The following ADAMTS13 variants were observed in gnomAD, a reference collection of about 807,000 sequenced individuals.
The protein encoded by ADAMTS13 is A disintegrin and metalloproteinase with thrombospondin motifs 13.
ADAMTS13 carries 110 observed loss-of-function variants against 155.1 expected under a neutral mutation model. The observed-to-expected ratio is 0.71, with a 90% CI of 0.61 to 0.83. The LOEUF is 0.83. Ranked by LOEUF, ADAMTS13 falls within the 40% of genes least tolerant of loss-of-function variation. ADAMTS13 has a pLI of 0.00. For synonymous variants in ADAMTS13, 758 were observed against 756.4 expected, an observed-to-expected ratio of 1.00 and a Z score of -0.03; for missense variants, 1,707 against 1,891.7, an observed-to-expected ratio of 0.90 and a Z score of 1.81.
Position 133,442,508 on chromosome 9 carries a change from G to T in ADAMTS13, c.2078G>T (p.Gly693Val). 1 of 1,613,692 alleles carries T rather than the reference G, an allele frequency of 6.2e-7. No individual in the cohort carries two copies. The highest frequency in any genetic ancestry group is 1.3e-5 in the African/African-American group (1 of 75,072). Reference sequence around the variant, plus strand: ...GCCTGGGTGTGGGCCGCTGTGCGTGGGCCCTGCTCGGTGAGCTGTGGGGCA... The same window carrying T: ...GCCTGGGTGTGGGCCGCTGTGCGTGTGCCCTGCTCGGTGAGCTGTGGGGCA... Reference protein sequence around the residue: ...RQAWVWAAVRGPCSVSCGAGL... With the variant: ...RQAWVWAAVRVPCSVSCGAGL... Residue 693 changes from glycine to valine, a missense_variant, in exon 17 of 29, where the codon GGG (glycine) becomes GTG (valine). By Grantham distance (109) the Gly-to-Val change is moderately radical (BLOSUM62 -3). This residue lies in a region of ADAMTS13 where 961 missense variants were observed against 1,107.9 expected (regional missense o/e 0.87). Coordinates refer to ENST00000355699, the MANE Select transcript of ADAMTS13 (RefSeq NM_139027.6).
chr9:133,417,928 G>A, upstream of ADAMTS13: 8 of 1,341,830 alleles, frequency 6.0e-6, no homozygotes, highest in Non-Finnish European at 7.0e-6. Context: ...ACAAGCGCCT[G>A]CCCAGGCCAG....
At position 133,456,566 on chromosome 9, in the gene ADAMTS13, C is replaced by G; in HGVS notation, c.3571C>G (p.Arg1191Gly). Residue 1191 changes from arginine (R) to glycine (G), a missense_variant, in exon 27 of 29, where the codon CGG (arginine) becomes GGG (glycine). Transcript: ENST00000355699. The surrounding 1 kb of genome is among the most constrained non-coding windows in gnomAD (Gnocchi z 4.4). ...SAGDMLLLWG[R>G]LTWRKMCRKL... ...AGGGGACATGTTGCTGCTTTGGGGCCGGCTCACCTGGAGGAAGATGTGCAG... is the reference window on the plus strand; with the variant it reads ...AGGGGACATGTTGCTGCTTTGGGGCGGGCTCACCTGGAGGAAGATGTGCAG... 1 of 1,613,482 alleles carries G rather than the reference C, an allele frequency of 6.2e-7. No individual in the cohort carries two copies. Among genetic ancestry groups the G allele is most frequent in the Non-Finnish European group, 8.5e-7 (1 of 1,179,964 alleles).
chr9:133,429,217 T>C (rs1213599357), intron 7 of ADAMTS13, among the ~76,000 whole-genome samples: 1 of 59,708 alleles, frequency 1.7e-5, no homozygotes, highest in Non-Finnish European at 3.1e-5. Context: ...CCTCCCCCCG[T>C]GCTGTCCCAC....
At chr9:133,429,888 C>T (rs753339966) in intron 7 of ADAMTS13, 51 bp from the exon 8 acceptor site, 14 of 1,533,974 alleles carry the variant, frequency 9.1e-6, no homozygotes, top group East Asian at 2.5e-5. Flanking sequence ...CCCGCCTCCT[C>T]CCGGTGTACA....
chr9:133,422,351 T>C, upstream of ADAMTS13: 3 of 1,210,350 alleles, frequency 2.5e-6, no homozygotes, highest in South Asian at 1.2e-5. Context: ...CGCCCAGTAG[T>C]GAGCAGGCCT....
In ADAMTS13 at chr9:133,449,953, C is replaced by T; in HGVS notation, c.3032C>T (p.Pro1011Leu). The change falls in exon 23 of 29, where the codon CCC (proline) becomes CTC (leucine). Residue 1011 changes from proline to leucine, a missense_variant. Physicochemically the swap from Pro to Leu is moderately conservative, Grantham distance 98 (BLOSUM62 -3). Transcript: ENST00000355699. ...PEPQEACSLEPCPPRWKVMSL... is the reference protein window; with the variant it reads ...PEPQEACSLELCPPRWKVMSL... ...CCCCAGGAGGCCTGCAGCCTGGAGC[C>T]CTGCCCACCTAGGTGAGTCAGCCGG... 1.2e-6 allele frequency: 2 copies of T among 1,603,918 alleles called. No individual in the cohort carries two copies. Among genetic ancestry groups the T allele is most frequent in the African/African-American group, 1.3e-5 (1 of 74,964 alleles).
rs1841730750 is a variant in ADAMTS13, at chr9:133,442,307, A to G, written c.1969-92A>G. On this transcript the variant is annotated intron_variant, in intron 16 of 28. Coordinates refer to ENST00000355699, the MANE Select transcript of ADAMTS13 (RefSeq NM_139027.6). The stretch of plus-strand genomic sequence containing the variant: ...GCTGAACGAAAGATTATAGGGATGC[A>G]AGAAGAAGTTGGAAGGCTTCCCAGG... The G allele has an allele frequency of 1.9e-6, 3 of 1,589,770 alleles. No individual in the cohort carries two copies. The East Asian group carries it at 6.7e-5, about 36-fold the overall frequency.
rs1842693128 is a variant in ADAMTS13 at position 133,455,595 on chromosome 9, T to C, written c.3400+160T>C. On this transcript the variant is annotated intron_variant, in intron 25 of 28. Transcript: ENST00000355699. Reference sequence around the variant, plus strand: ...CTGCCCGGGCCCCAGGAAAACTCAGTGCAGTCCAGTTATGTCCTGTCCTCC... The same window carrying C: ...CTGCCCGGGCCCCAGGAAAACTCAGCGCAGTCCAGTTATGTCCTGTCCTCC... 6.2e-7 allele frequency: 1 copy of C among 1,602,342 alleles called. No homozygotes were observed. The highest frequency in any genetic ancestry group is 1.3e-5 in the African/African-American group (1 of 74,986).
rs970918989 is a variant in ADAMTS13 at position 133,424,743 on chromosome 9, C to T, written c.330+265C>T. Reference sequence around the variant, plus strand: ...GCCACCCTCAAGCCTGGCCTCTTCCCCAGTATCCATTTGACCCCCACAAAG... The same window carrying T: ...GCCACCCTCAAGCCTGGCCTCTTCCTCAGTATCCATTTGACCCCCACAAAG... On this transcript the variant is annotated intron_variant, in intron 3 of 28. Transcript: ENST00000355699. The surrounding 1 kb of genome is among the most constrained non-coding windows in gnomAD (Gnocchi z 4.3). 6.6e-6 allele frequency among the ~76,000 whole-genome samples: 1 copy of T among 152,156 alleles called. No individual in the cohort carries two copies. Among genetic ancestry groups the T allele is most frequent in the Non-Finnish European group, 1.5e-5 (1 of 68,038 alleles).
At chr9:133,430,666 T>C (rs1840683949) in intron 8 of ADAMTS13, among the ~76,000 whole-genome samples, 1 of 152,020 alleles carries the variant, frequency 6.6e-6, no homozygotes, top group South Asian at 2.1e-4. Flanking sequence ...TTTTATGTGT[T>C]ACTATAAATA....
At chr9:133,446,035 G>A (rs1013589507) in intron 21 of ADAMTS13, among the ~76,000 whole-genome samples, 1 of 152,168 alleles carries the variant, frequency 6.6e-6, no homozygotes, top group Non-Finnish European at 1.5e-5. Context: ...AGACAATAAC[G>A]CCCGGCAGTG....
At chr9:133,417,999 C>A, upstream of ADAMTS13, 2 of 678,746 alleles carry the variant, frequency 2.9e-6, no homozygotes, top group Non-Finnish European at 4.9e-6. Context: ...AGACCCCGCA[C>A]GCGTTGCGCA....
At chr9:133,430,137 A>G (rs1588160348) in intron 8 of ADAMTS13, 36 bp downstream of exon 8, 1 of 1,555,266 alleles carries the variant, frequency 6.4e-7, no homozygotes, top group Non-Finnish European at 8.7e-7. Context: ...ATTGGCTGTG[A>G]GGTCCCTCCG....
At position 133,454,652 on chromosome 9, in the gene ADAMTS13, G is replaced by C. The variant is rs974927733; in HGVS notation, c.3249+33G>C. ...CAGCGGGCACTCGGAATCCCTATGG[G>C]GCTGGGGTGGGCATCAGCTGTGGCT... On this transcript the variant is annotated intron_variant, in intron 24 of 28. Transcript: ENST00000355699. 4 of 1,561,278 alleles carry C rather than the reference G, an allele frequency of 2.6e-6. No individual in the cohort carries two copies. In the African/African-American group the frequency reaches 4.1e-5, roughly 16 times the overall value.
At chr9:133,430,268 T>G (rs1165752093) in intron 8 of ADAMTS13, 167 bp downstream of exon 8, 1 of 916,918 alleles carries the variant, frequency 1.1e-6, no homozygotes, top group Non-Finnish European at 1.7e-6. Context: ...TAGAAATTAT[T>G]TAAAATGTTT....
rs370068648 is a variant in ADAMTS13, at chr9:133,440,559, G to T, written c.1968+34G>T. The T allele has an allele frequency of 2.2e-5, 34 of 1,555,122 alleles. No homozygotes were observed. Among genetic ancestry groups the T allele is most frequent in the Non-Finnish European group, 2.5e-5 (29 of 1,146,996 alleles). On this transcript the variant is annotated intron_variant, in intron 16 of 28. Coordinates refer to ENST00000355699, the MANE Select transcript of ADAMTS13 (RefSeq NM_139027.6). The surrounding 1 kb of genome is among the most constrained non-coding windows in gnomAD (Gnocchi z 4.3). ...GAGAGCCTGGGGGAGGCCAGTGGGGGCTTCTTCTTGGGGGCTATGGCTGCT... is the reference window on the plus strand; with the variant it reads ...GAGAGCCTGGGGGAGGCCAGTGGGGTCTTCTTCTTGGGGGCTATGGCTGCT...
At chr9:133,422,355 C>G (rs782434247), upstream of ADAMTS13, 2 of 1,232,230 alleles carry the variant, frequency 1.6e-6, no homozygotes, top group African/African-American at 3.0e-5. Flanking sequence ...CAGTAGTGAG[C>G]AGGCCTGTCC....
At chr9:133,427,181 A>G (rs587611014) in intron 6 of ADAMTS13, among the ~76,000 whole-genome samples, 14 of 152,254 alleles carry the variant, frequency 9.2e-5, no homozygotes, top group African/African-American at 2.6e-4. Flanking sequence ...TATCCCAGGT[A>G]TCTTAGAGGT....
At position 133,457,686 on chromosome 9, in the gene ADAMTS13, T is replaced by C. The variant is rs1842827172; in HGVS notation, c.3725-224T>C. ...ACTCTGCTCAGTGCATGCCATTGTT[T>C]CCTTCAGTTACAGAGGAGGGAACCA... On this transcript the variant is annotated intron_variant, in intron 27 of 28. Coordinates refer to ENST00000355699, the MANE Select transcript of ADAMTS13 (RefSeq NM_139027.6). Among the ~76,000 whole-genome samples, 3 of 152,356 alleles carry C rather than the reference T, an allele frequency of 2.0e-5. No homozygotes were observed. The South Asian group carries it at 6.2e-4, about 32-fold the overall frequency.
Sources: allele counts gnomAD v4.1 joint callset (sites outside exome capture counted in the v4.1 genomes callset), GRCh38; gene constraint gnomAD v4.1.1; regional missense constraint gnomAD v4.1.1; non-coding constraint Gnocchi (gnomAD v3.1); transcripts MANE v1.5; gene names NCBI Gene and HGNC (gene_info 2026-07-23, HGNC 2026-07-21).